MEGF11: variants seen among roughly 807,000 people sequenced by gnomAD.
MEGF11 encodes multiple EGF like domains 11.
MEGF11 carries 126 observed loss-of-function variants against 146.6 expected under a neutral mutation model. The observed-to-expected ratio is 0.86, with a 90% confidence interval of 0.74 to 1.00. MEGF11 has a LOEUF of 1.00. MEGF11 is among the 50% of genes least tolerant of loss of function. MEGF11 has a pLI of 0.00. For missense variants in MEGF11, 1,509 were observed against 1,521.2 expected (o/e 0.99, Z 0.13); for synonymous variants, 532 against 583.4 (o/e 0.91, Z 1.27).
chr15:65,938,667 T>A (rs1362225505), intron 10 of MEGF11, among the ~76,000 whole-genome samples: 1 of 152,098 alleles, frequency 6.6e-6, no homozygotes, highest in Admixed American at 6.5e-5. Context: ...CTTCCTCCCA[T>A]CCAAAGGCCT....
chr15:66,015,276 A>C (rs778832093), intron 5 of MEGF11, among the ~76,000 whole-genome samples: 4 of 152,222 alleles, frequency 2.6e-5, no homozygotes, highest in Non-Finnish European at 5.9e-5. Flanking sequence ...TAGAGGTTTC[A>C]GAGCCCACTG....
intron 5 of MEGF11, among the ~76,000 whole-genome samples, chr15:66,009,593 G>GT (rs757140653): frequency 3.3e-3 from 197 of 59,304 alleles, no homozygotes; most frequent in African/African-American, 9.3e-3. Context: ...GTCACATATG[G>GT]TTTTTTTTTT....
intron 5 of MEGF11, among the ~76,000 whole-genome samples, chr15:66,047,009 C>T (rs990065007): frequency 6.6e-6 from 1 of 152,226 alleles, no homozygotes; most frequent in African/African-American, 2.4e-5. Flanking sequence ...AAAATCAATA[C>T]ACACAGATTT....
At chr15:66,065,225 A>G (rs1356239852) in intron 5 of MEGF11, among the ~76,000 whole-genome samples, 5 of 152,120 alleles carry the variant, frequency 3.3e-5, no homozygotes, top group Non-Finnish European at 7.4e-5. Context: ...GGATGGAAAA[A>G]TGAAACTTTG....
At chr15:66,041,853 A>T (rs2083992787) in intron 5 of MEGF11, among the ~76,000 whole-genome samples, 1 of 152,160 alleles carries the variant, frequency 6.6e-6, no homozygotes, top group Admixed American at 6.5e-5. Flanking sequence ...CAGAGTAGCT[A>T]AGTTACGTGC....
chr15:66,070,832 T>C (rs1480508756), intron 5 of MEGF11, among the ~76,000 whole-genome samples: 1 of 152,194 alleles, frequency 6.6e-6, no homozygotes, highest in East Asian at 1.9e-4. Context: ...GTCCACCACA[T>C]AGTAAGTGCT....
intron 8 of MEGF11, 55 bp from the exon 9 acceptor site, chr15:65,965,175 T>G (rs567480162): frequency 1.1e-4 from 151 of 1,426,562 alleles, no homozygotes; most frequent in Non-Finnish European, 1.4e-4. Flanking sequence ...TCACCTGTGC[T>G]TCAAGATCCT....
At chr15:66,018,322 T>A (rs2082967923) in intron 5 of MEGF11, among the ~76,000 whole-genome samples, 1 of 152,234 alleles carries the variant, frequency 6.6e-6, no homozygotes, top group Admixed American at 6.5e-5. Context: ...TCCTTCCGCC[T>A]TGCCCAGCTG....
At chr15:66,111,812 T>C (rs1180148845) in intron 4 of MEGF11, among the ~76,000 whole-genome samples, 2 of 152,186 alleles carry the variant, frequency 1.3e-5, no homozygotes, top group Non-Finnish European at 2.9e-5. Flanking sequence ...AGAGGTGATA[T>C]TTGCACATCG....
chr15:66,108,315 C>T (rs2087202191), intron 4 of MEGF11, among the ~76,000 whole-genome samples: 1 of 152,284 alleles, frequency 6.6e-6, no homozygotes, highest in African/African-American at 2.4e-5. Context: ...ATTGAAGGTG[C>T]CTCCAATTTT....
intron 5 of MEGF11, among the ~76,000 whole-genome samples, chr15:66,073,279 C>G (rs774275775): frequency 5.1e-4 from 77 of 152,330 alleles, no homozygotes; most frequent in African/African-American, 1.8e-3. Context: ...ATCACGCCCC[C>G]CTTCTTCCCC....
At chr15:65,947,253 G>A (rs1471496488) in intron 10 of MEGF11, among the ~76,000 whole-genome samples, 1 of 152,150 alleles carries the variant, frequency 6.6e-6, no homozygotes. Flanking sequence ...TAAGGGAGAG[G>A]TGGCTGGGAG....
At chr15:65,926,134 A>T (rs2079363219) in intron 13 of MEGF11, among the ~76,000 whole-genome samples, 1 of 152,246 alleles carries the variant, frequency 6.6e-6, no homozygotes, top group Non-Finnish European at 1.5e-5. Context: ...TGAGTCTGGC[A>T]TGGTGCTGGG....
intron 7 of MEGF11, among the ~76,000 whole-genome samples, chr15:65,976,447 G>T (rs1463221534): frequency 6.6e-6 from 1 of 152,142 alleles, no homozygotes; most frequent in African/African-American, 2.4e-5. Context: ...CATATGGGGG[G>T]GCTCTCATCC....
intron 1 of MEGF11, among the ~76,000 whole-genome samples, chr15:66,214,920 G>T (rs537105279): frequency 6.6e-6 from 1 of 152,232 alleles, no homozygotes. Flanking sequence ...GAGGGGAGGG[G>T]TGCAGAGAAG....
At chr15:65,915,327 C>T (rs2078956854) in intron 19 of MEGF11, 143 bp downstream of exon 19, 1 of 1,151,500 alleles carries the variant, frequency 8.7e-7, no homozygotes, top group Non-Finnish European at 1.2e-6. Context: ...CTTGGAGCCT[C>T]TGCAGCCCAC....
At chr15:65,908,559 T>C (rs1164941487) in intron 23 of MEGF11, among the ~76,000 whole-genome samples, 1 of 152,180 alleles carries the variant, frequency 6.6e-6, no homozygotes, top group Non-Finnish European at 1.5e-5. Context: ...TCCAGATCCC[T>C]GTTTGACAAC....
At chr15:65,909,985 T>C (rs1044870698) in intron 21 of MEGF11, 179 bp from the exon 22 acceptor site, 2 of 700,458 alleles carry the variant, frequency 2.9e-6, no homozygotes, top group African/African-American at 3.5e-5. Context: ...GTGTGGTTGA[T>C]GCTAGTGGGA....
chr15:65,928,816 C>G (rs2079468000), intron 12 of MEGF11, among the ~76,000 whole-genome samples: 1 of 152,106 alleles, frequency 6.6e-6, no homozygotes, highest in South Asian at 2.1e-4. Context: ...TACTCCTGCT[C>G]TACTTCTCAG....
Sources: gnomAD v4.1 joint callset for allele counts (sites outside exome capture counted in the v4.1 genomes callset) on GRCh38, gnomAD v4.1.1 for gene constraint, MANE v1.5 for transcripts, NCBI Gene and HGNC (gene_info 2026-07-23, HGNC 2026-07-21) for gene names.